FAF2: variants seen among roughly 807,000 people sequenced by gnomAD.
The protein encoded by FAF2 is Fas associated factor family member 2.
FAF2 carries 9 observed loss-of-function variants against 62.3 expected under a neutral mutation model. That is an observed-to-expected ratio of 0.14 (90% CI 0.09 to 0.25). FAF2 has a LOEUF of 0.25. Ranked by LOEUF, FAF2 falls within the 10% of genes least tolerant of loss-of-function variation. The pLI, the probability that FAF2 is intolerant of heterozygous loss-of-function variation, is 1.00. For synonymous variants in FAF2, 202 were observed against 198.0 expected (o/e 1.02, Z -0.17); for missense variants, 368 against 556.2 (o/e 0.66, Z 3.40).
At chr5:176,491,597 G>A (rs1758971660) in intron 4 of FAF2, among the ~76,000 whole-genome samples, 1 of 152,064 alleles carries the variant, frequency 6.6e-6, no homozygotes. Flanking sequence ...GAGAAGGAGG[G>A]GCAAGTAGGA....
At chr5:176,466,944 T>C (rs1190949751) in intron 1 of FAF2, among the ~76,000 whole-genome samples, 2 of 151,126 alleles carry the variant, frequency 1.3e-5, no homozygotes, top group Admixed American at 1.3e-4. Context: ...ACTGATACTA[T>C]CAGGCAATTA....
intron 5 of FAF2, among the ~76,000 whole-genome samples, chr5:176,493,445 G>A (rs1759009925): frequency 6.6e-6 from 1 of 152,246 alleles, no homozygotes; most frequent in African/African-American, 2.4e-5. Context: ...GCACATGCAG[G>A]AGCACGCACA....
At chr5:176,498,616 C>G (rs1257740154) in intron 8 of FAF2, among the ~76,000 whole-genome samples, 1 of 152,082 alleles carries the variant, frequency 6.6e-6, no homozygotes. Context: ...TATTGATGAT[C>G]CCTTCATAAT....
rs1755748130 is a variant in FAF2, at chr5:176,509,845, A to G, written c.*2895A>G. 6.5e-6 allele frequency: 1 copy of G among 152,690 alleles called. No homozygotes were observed. The highest frequency in any genetic ancestry group is 2.1e-4 in the South Asian group (1 of 4,836). 9.5% of individuals were successfully genotyped at this position (152,690 alleles called of 1,614,324 possible). A position where few individuals can be genotyped will look rare whatever the true frequency, so the allele number is the denominator to read the frequency against. Reference sequence around the variant, plus strand: ...CCCAGAATGCAAAATCAGGGGCATCATTATCCGGTGCTTGAACAAGGAGCT... The same window carrying G: ...CCCAGAATGCAAAATCAGGGGCATCGTTATCCGGTGCTTGAACAAGGAGCT... On this transcript the variant is annotated 3_prime_UTR_variant, in exon 11 of 11. Coordinates refer to ENST00000261942, the MANE Select transcript of FAF2 (RefSeq NM_014613.3).
intron 2 of FAF2, among the ~76,000 whole-genome samples, chr5:176,483,336 AT>A (rs1450779609): frequency 6.6e-6 from 1 of 152,194 alleles, no homozygotes; most frequent in Non-Finnish European, 1.5e-5. Context: ...CTTTTGCTTA[AT>A]CTGAGGTTGG....
At position 176,471,446 on chromosome 5, in the gene FAF2, G is replaced by A. The variant is rs572785969; in HGVS notation, c.64-7742G>A. Among the ~76,000 whole-genome samples the A allele has an allele frequency of 4.9e-5, 7 of 142,600 alleles. No individual in the cohort carries two copies. In the South Asian group the frequency reaches 8.8e-4, roughly 18 times the overall value. 93.6% of individuals were successfully genotyped at this position (142,600 alleles called of 152,430 possible). ...TGCCCAGGCTGGAGTGCAGTGGTAC[G>A]ATCTCAGCTCACTGCAAACTCTGCC... is the stretch of plus-strand genomic sequence containing the variant. On this transcript the variant is annotated intron_variant, in intron 1 of 10. Coordinates refer to ENST00000261942, the MANE Select transcript of FAF2 (RefSeq NM_014613.3).
intron 1 of FAF2, among the ~76,000 whole-genome samples, chr5:176,452,734 T>C (rs570438137): frequency 4.6e-5 from 7 of 152,306 alleles, no homozygotes; most frequent in East Asian, 3.9e-4. Flanking sequence ...GAAAGGTAAA[T>C]TAAAGCCAGA....
rs1040936570 is a variant in FAF2, at chr5:176,507,889, T to C, written c.*939T>C. 1.3e-5 allele frequency: 2 copies of C among 152,746 alleles called. No homozygotes were observed. The highest frequency in any genetic ancestry group is 1.3e-4 in the Admixed American group (2 of 15,286). 9.5% of individuals were successfully genotyped at this position (152,746 alleles called of 1,614,324 possible). A position where few individuals can be genotyped will look rare whatever the true frequency, so the allele number is the denominator to read the frequency against. On this transcript the variant is annotated 3_prime_UTR_variant, in exon 11 of 11. Transcript: ENST00000261942. ...GGGGTCTGAACCAAAGGATAGCAGC[T>C]CTTCATTCCTCTTCTGACATGTGCA...
chr5:176,454,010 C>G (rs1448243557), intron 1 of FAF2, among the ~76,000 whole-genome samples: 1 of 151,080 alleles, frequency 6.6e-6, no homozygotes, highest in Non-Finnish European at 1.5e-5. Context: ...GATCCGAGAC[C>G]GCACCACTGC....
chr5:176,463,462 A>C (rs189974390), intron 1 of FAF2, among the ~76,000 whole-genome samples: 2 of 151,526 alleles, frequency 1.3e-5, no homozygotes, highest in East Asian at 3.9e-4. Flanking sequence ...AGAACCTTTT[A>C]AGCTAGTTCA....
At chr5:176,449,951 T>C (rs564889709) in intron 1 of FAF2, among the ~76,000 whole-genome samples, 2 of 152,324 alleles carry the variant, frequency 1.3e-5, no homozygotes, top group South Asian at 2.1e-4. Flanking sequence ...AATGCTTAGG[T>C]TACACAGCTA....
chr5:176,503,621 A>G (rs1427451762), intron 10 of FAF2, among the ~76,000 whole-genome samples: 1 of 151,882 alleles, frequency 6.6e-6, no homozygotes, highest in Non-Finnish European at 1.5e-5. Flanking sequence ...AATAATCTCC[A>G]GGAGTGACAG....
At chr5:176,480,558 A>C (rs955006497) in intron 2 of FAF2, among the ~76,000 whole-genome samples, 1 of 151,928 alleles carries the variant, frequency 6.6e-6, no homozygotes, top group Non-Finnish European at 1.5e-5. Context: ...GACTACAAAC[A>C]TGTAACACCA....
intron 1 of FAF2, among the ~76,000 whole-genome samples, chr5:176,459,242 C>T (rs1758332169): frequency 6.8e-6 from 1 of 147,322 alleles, no homozygotes; most frequent in Non-Finnish European, 1.5e-5. Context: ...GCCAAAATTC[C>T]AGTTAACCTT....
chr5:176,507,012 CA>C lies in FAF2; in HGVS notation c.*64del, dbSNP rs1219759475. 1 of 1,159,926 alleles carries C rather than the reference CA, an allele frequency of 8.6e-7. No homozygotes were observed. Among genetic ancestry groups the C allele is most frequent in the African/African-American group, 1.6e-5 (1 of 62,360 alleles). 71.9% of individuals were successfully genotyped at this position (1,159,926 alleles called of 1,614,324 possible). Reference sequence around the variant, plus strand: ...TAAAAGAAATGGGGAAAAAAGAAAACAACAGCAAGTCAGAAAAAAAAAACAA... The same window carrying C: ...TAAAAGAAATGGGGAAAAAAGAAAACACAGCAAGTCAGAAAAAAAAAACAA... On this transcript the variant is annotated 3_prime_UTR_variant, in exon 11 of 11. Transcript: ENST00000261942.
intron 7 of FAF2, among the ~76,000 whole-genome samples, chr5:176,495,150 A>G (rs1362564609): frequency 1.3e-5 from 2 of 152,196 alleles, no homozygotes; most frequent in African/African-American, 4.8e-5. Context: ...TTAGTAAAAG[A>G]TACGAAGGCA....
intron 1 of FAF2, among the ~76,000 whole-genome samples, chr5:176,451,870 ACACACATATATATATATATATATTTT>A (rs1758186633): frequency 3.7e-5 from 1 of 27,288 alleles, no homozygotes; most frequent in Non-Finnish European, 6.6e-5. Flanking sequence ...ATATATATAT[ACACACATATATATATATATATATTTT>A]TTTTTTTTTT....
intron 1 of FAF2, among the ~76,000 whole-genome samples, chr5:176,458,408 C>CTTTTTTTTTTTTTTTTTTT (rs751775026): frequency 3.5e-5 from 3 of 86,364 alleles, no homozygotes; most frequent in African/African-American, 9.0e-5. Flanking sequence ...CTTTTTCTTC[C>CTTTTTTTTTTTTTTTTTTT]TTTTTTTTTT....
At position 176,470,475 on chromosome 5, in the gene FAF2, G is replaced by T. The variant is rs181516369; in HGVS notation, c.64-8713G>T. On this transcript the variant is annotated intron_variant, in intron 1 of 10. Coordinates refer to ENST00000261942, the MANE Select transcript of FAF2 (RefSeq NM_014613.3). ...GCCTGTAATGCCAGCTACGCGGGAG[G>T]CTGAGGCAGGAGAATCACTTGAACC... Among the ~76,000 whole-genome samples the T allele has an allele frequency of 3.4e-3, 513 of 152,380 alleles. 4 individuals are homozygous for T. Among genetic ancestry groups the T allele is most frequent in the African/African-American group, 0.012 (500 of 41,600 alleles).
Sources: allele counts gnomAD v4.1 joint callset (sites outside exome capture counted in the v4.1 genomes callset), GRCh38; gene constraint gnomAD v4.1.1; transcripts MANE v1.5; gene names NCBI Gene and HGNC (gene_info 2026-07-23, HGNC 2026-07-21).